Variants in USP49 observed in about 807,000 individuals in gnomAD.
USP49 encodes ubiquitin carboxyl-terminal hydrolase 49.
In USP49, 24 loss-of-function variants were observed where a neutral mutation model predicts 58.6. That is an observed-to-expected ratio of 0.41 (90% CI 0.30 to 0.58). The LOEUF is 0.58. USP49 is among the 20% of genes least tolerant of loss of function. The probability of loss-of-function intolerance (pLI) is 0.30; values close to 1 mark genes in which losing one functional copy is unlikely to be tolerated. For synonymous variants in USP49, 408 were observed against 365.1 expected, an observed-to-expected ratio of 1.12 and a Z score of -1.34; for missense variants, 703 against 866.1, an observed-to-expected ratio of 0.81 and a Z score of 2.36.
At chr6:41,856,716 G>T (rs1299614118) in intron 3 of USP49, among the ~76,000 whole-genome samples, 3 of 152,170 alleles carry the variant, frequency 2.0e-5, no homozygotes, top group Non-Finnish European at 2.9e-5. Flanking sequence ...TTTGCTTTCT[G>T]AGGTTTCAGT....
intron 2 of USP49, among the ~76,000 whole-genome samples, chr6:41,882,446 T>G (rs569804044): frequency 6.6e-6 from 1 of 152,228 alleles, no homozygotes; most frequent in African/African-American, 2.4e-5. Context: ...CTATACCACA[T>G]CCAAAGATTG....
intron 4 of USP49, 128 bp from the exon 5 acceptor site, chr6:41,804,138 A>G: frequency 1.4e-6 from 1 of 714,900 alleles, no homozygotes; most frequent in Non-Finnish European, 2.2e-6. Context: ...GTAATATTAA[A>G]ATAATAAACA....
intron 3 of USP49, among the ~76,000 whole-genome samples, chr6:41,839,484 T>C (rs544024995): frequency 9.2e-6 from 1 of 108,534 alleles, no homozygotes; most frequent in South Asian, 2.9e-4. Flanking sequence ...CTCAAGGAAC[T>C]AGAGAAATAA....
chr6:41,800,067 G>A lies in USP49; in HGVS notation c.1562-129C>T, dbSNP rs962970020. 223 of 746,424 alleles carry A rather than the reference G, an allele frequency of 3.0e-4. 1 individual carries two copies. Among genetic ancestry groups the A allele is most frequent in the Non-Finnish European group, 3.9e-4 (170 of 434,626 alleles). 46.2% of individuals were successfully genotyped at this position (746,424 alleles called of 1,614,324 possible). On this transcript the variant is annotated intron_variant, in intron 5 of 7. Coordinates refer to ENST00000682992, the MANE Select transcript of USP49 (RefSeq NM_001286554.2). ...GTATCTGAACCTCAATTTTTTGGGG[G>A]GCGCAATGTGACACTCTTTATGACT...
chr6:41,849,342 A>G (rs1054121669), intron 3 of USP49, among the ~76,000 whole-genome samples: 7 of 152,206 alleles, frequency 4.6e-5, no homozygotes, highest in Non-Finnish European at 2.9e-5. Context: ...GAGCAACACA[A>G]TTACAGTAGA....
intron 3 of USP49, among the ~76,000 whole-genome samples, chr6:41,817,146 C>T (rs1773366227): frequency 9.9e-6 from 1 of 100,568 alleles, no homozygotes; most frequent in Non-Finnish European, 1.9e-5. Context: ...GGCTCCCACG[C>T]ATGCTTTTTT....
At chr6:41,820,239 T>C (rs1373354566) in intron 3 of USP49, among the ~76,000 whole-genome samples, 1 of 152,130 alleles carries the variant, frequency 6.6e-6, no homozygotes, top group East Asian at 1.9e-4. Flanking sequence ...GCTGCACATA[T>C]TTAAAGTTTA....
chr6:41,857,212 G>A (rs755089228), intron 3 of USP49, among the ~76,000 whole-genome samples: 16 of 152,160 alleles, frequency 1.1e-4, no homozygotes, highest in Non-Finnish European at 1.9e-4. Context: ...CAGTGGCCTT[G>A]AGGCATATTT....
chr6:41,882,789 G>A (rs939071987), intron 2 of USP49, among the ~76,000 whole-genome samples: 5 of 152,082 alleles, frequency 3.3e-5, no homozygotes, highest in Non-Finnish European at 7.4e-5. Flanking sequence ...GGTGGCACGC[G>A]TCTGTAGTCC....
chr6:41,807,061 A>T, intron 3 of USP49, 50 bp from the exon 4 acceptor site: 2 of 1,270,330 alleles, frequency 1.6e-6, no homozygotes, highest in Non-Finnish European at 2.0e-6. Context: ...AAACACTTTT[A>T]GAAAAATATT....
Position 41,796,170 on chromosome 6 carries a change from C to G in USP49, c.*363G>C, listed in dbSNP as rs945875844. On this transcript the variant is annotated 3_prime_UTR_variant, in exon 8 of 8. Coordinates refer to ENST00000682992, the MANE Select transcript of USP49 (RefSeq NM_001286554.2). ...GTTCTTCTGGTGCTGCAAGGAGGTC[C>G]TGATTAGCAGGGGAATCACATCATG... The G allele has an allele frequency of 1.5e-5, 3 of 199,438 alleles. No homozygotes were observed. The highest frequency in any genetic ancestry group is 4.6e-5 in the African/African-American group (2 of 43,450). 12.4% of individuals were successfully genotyped at this position (199,438 alleles called of 1,614,324 possible). A position where few individuals can be genotyped will look rare whatever the true frequency, so the allele number is the denominator to read the frequency against.
chr6:41,891,088 T>TG (rs1774803891), intron 2 of USP49, among the ~76,000 whole-genome samples: 2 of 152,190 alleles, frequency 1.3e-5, no homozygotes, highest in Non-Finnish European at 2.9e-5. Flanking sequence ...GGATAAAAGG[T>TG]TAGTAACAGG....
intron 3 of USP49, among the ~76,000 whole-genome samples, chr6:41,810,329 A>AG (rs1491168116): frequency 6.9e-6 from 1 of 143,964 alleles, no homozygotes; most frequent in Non-Finnish European, 1.5e-5. Flanking sequence ...AAAAAAAAAA[A>AG]CACAAAAAAA....
intron 3 of USP49, among the ~76,000 whole-genome samples, chr6:41,845,181 G>A (rs1044461763): frequency 2.2e-4 from 33 of 152,148 alleles, no homozygotes; most frequent in African/African-American, 8.0e-4. Flanking sequence ...GATAAGAGGT[G>A]TGAGCCACCG....
chr6:41,837,725 T>C (rs984229170), intron 3 of USP49, among the ~76,000 whole-genome samples: 2 of 152,188 alleles, frequency 1.3e-5, no homozygotes, highest in Non-Finnish European at 2.9e-5. Context: ...AAAGGTCTAA[T>C]ATCCAGAAGC....
At chr6:41,852,745 C>G (rs1774052356) in intron 3 of USP49, among the ~76,000 whole-genome samples, 1 of 152,188 alleles carries the variant, frequency 6.6e-6, no homozygotes, top group African/African-American at 2.4e-5. Context: ...TATGAAATTT[C>G]AAGAGACCTT....
Position 41,866,631 on chromosome 6 carries a change from C to T in USP49, c.-29+4933G>A, listed in dbSNP as rs77568424. Among the ~76,000 whole-genome samples the T allele has an allele frequency of 6.7e-3, 1,027 of 152,280 alleles. 12 individuals carry two copies. Among genetic ancestry groups the T allele is most frequent in the African/African-American group, 0.023 (966 of 41,558 alleles). On this transcript the variant is annotated intron_variant, in intron 3 of 7. Coordinates refer to ENST00000682992, the MANE Select transcript of USP49 (RefSeq NM_001286554.2). The stretch of plus-strand genomic sequence containing the variant: ...TGAGATAGAAAGAAACCACAGTGCT[C>T]ATCACAGCAAATCTAATGAGAAGAG...
chr6:41,827,510 A>C (rs1369131429), intron 3 of USP49, among the ~76,000 whole-genome samples: 2 of 151,974 alleles, frequency 1.3e-5, no homozygotes, highest in Non-Finnish European at 2.9e-5. Flanking sequence ...AAATACAAAA[A>C]TTAGCCAGCA....
chr6:41,848,741 G>C (rs914108706), intron 3 of USP49, among the ~76,000 whole-genome samples: 68 of 151,886 alleles, frequency 4.5e-4, no homozygotes, highest in Middle Eastern at 6.8e-3. Flanking sequence ...TGTAGTCCCA[G>C]CTACTTGGGA....
Sources: allele counts gnomAD v4.1 joint callset (sites outside exome capture counted in the v4.1 genomes callset), GRCh38; gene constraint gnomAD v4.1.1; transcripts MANE v1.5; gene names NCBI Gene and HGNC (gene_info 2026-07-23, HGNC 2026-07-21).